Variants in LZIC observed in about 807,000 individuals in gnomAD.
LZIC encodes the protein protein LZIC.
Under a neutral mutation model 25.4 loss-of-function variants are expected in LZIC, and 28 were observed. The ratio of observed to expected loss-of-function variants is 1.10; its 90% confidence interval spans 0.82 to 1.51. The LOEUF is 1.51. LZIC is among the 40% of genes most tolerant of loss of function. The pLI is 0.00. For synonymous variants in LZIC, 65 were observed against 70.7 expected (o/e 0.92, Z 0.40); for missense variants, 170 against 211.1 (o/e 0.81, Z 1.21).
chr1:9,922,934 A>G (rs928703085), downstream of LZIC, among the ~76,000 whole-genome samples: 5 of 151,994 alleles, frequency 3.3e-5, no homozygotes, highest in Non-Finnish European at 7.3e-5. Context: ...GAGACAGACT[A>G]TACTATAACA....
intron 7 of LZIC, among the ~76,000 whole-genome samples, chr1:9,931,331 C>T (rs902700650): frequency 2.0e-5 from 3 of 151,962 alleles, no homozygotes; most frequent in Non-Finnish European, 4.4e-5. Context: ...GGCACAATCT[C>T]GGCTCACTGC....
intron 1 of LZIC, 106 bp downstream of exon 1, chr1:9,943,143 T>C (rs1161510475): frequency 5.7e-6 from 1 of 176,384 alleles, no homozygotes; most frequent in African/African-American, 2.3e-5. Flanking sequence ...ACGCGGGAAC[T>C]TGAAGTCCGG....
Position 9,942,137 on chromosome 1 carries a change from G to C in LZIC, c.-9+487C>G, listed in dbSNP as rs375743404. Among the ~76,000 whole-genome samples the C allele has an allele frequency of 2.4e-4, 37 of 151,586 alleles. 1 individual carries two copies. In the East Asian group the frequency reaches 3.6e-3, roughly 15 times the overall value. ...TCACCATGTTGTCCAGGCGAGTCTT[G>C]AACTCCTGACCTCTGGTGATCCACT... On this transcript the variant is annotated intron_variant, in intron 2 of 7. Coordinates refer to ENST00000377223, the MANE Select transcript of LZIC (RefSeq NM_032368.5).
intron 2 of LZIC, among the ~76,000 whole-genome samples, chr1:9,936,898 G>C (rs374039913): frequency 6.6e-6 from 1 of 152,220 alleles, no homozygotes; most frequent in Admixed American, 6.5e-5. Flanking sequence ...TTGGGAGGCC[G>C]AGGCGGGTGG....
At chr1:9,931,862 C>A (rs1640226389) in intron 7 of LZIC, 29 bp downstream of exon 7, 1 of 1,502,818 alleles carries the variant, frequency 6.7e-7, no homozygotes, top group South Asian at 1.1e-5. Context: ...TAGTATACGA[C>A]CAGCTTTCAG....
intron 5 of LZIC, among the ~76,000 whole-genome samples, chr1:9,933,487 G>C (rs1347076726): frequency 6.6e-6 from 1 of 151,450 alleles, no homozygotes; most frequent in Non-Finnish European, 1.5e-5. Context: ...CCACACATTG[G>C]GAATATTCAA....
intron 7 of LZIC, 36 bp downstream of exon 7, chr1:9,931,855 T>C: frequency 7.2e-7 from 1 of 1,393,058 alleles, no homozygotes; most frequent in Non-Finnish European, 1.0e-6. Context: ...ATGACAGTAG[T>C]ATACGACCAG....
Position 9,926,624 on chromosome 1 carries a change from TA to T in LZIC, c.*3774del, listed in dbSNP as rs1212390288. Among the ~76,000 whole-genome samples the T allele has an allele frequency of 6.6e-6, 1 of 152,224 alleles. No individual in the cohort carries two copies. Among genetic ancestry groups the T allele is most frequent in the East Asian group, 1.9e-4 (1 of 5,200 alleles). ...AAAACATTGAAACATCAGAATTGTT[TA>T]AAACACTAGATTTCATTCAATGGTC... is the stretch of plus-strand genomic sequence containing the variant. On this transcript the variant is annotated 3_prime_UTR_variant, in exon 8 of 8. Transcript: ENST00000377223.
At position 9,927,712 on chromosome 1, in the gene LZIC, C is replaced by A. The variant is rs1237688480; in HGVS notation, c.*2687G>T. Among the ~76,000 whole-genome samples, 2 of 118,134 alleles carry A rather than the reference C, an allele frequency of 1.7e-5. No individual in the cohort carries two copies. The highest frequency in any genetic ancestry group is 3.3e-5 in the Non-Finnish European group (2 of 61,498). The allele number at this position is 118,134 out of a possible 152,430, so 77.5% of individuals were successfully genotyped here. On this transcript the variant is annotated 3_prime_UTR_variant, in exon 8 of 8. Transcript: ENST00000377223. ...TTTTTTTTTTTTTTTGAGACCGTGT[C>A]TCAGTCTGTCGCCCAGGCTGGAGTG...
At position 9,929,842 on chromosome 1, in the gene LZIC, C is replaced by T; in HGVS notation, c.*557G>A. The stretch of plus-strand genomic sequence containing the variant: ...ATTCAAAAGATACTAAACTGGGAGT[C>T]AGGACACCTGAGTCTTACCCTCAGC... On this transcript the variant is annotated 3_prime_UTR_variant, in exon 8 of 8. Transcript: ENST00000377223. 2 of 982,202 alleles carry T rather than the reference C, an allele frequency of 2.0e-6. No homozygotes were observed. The highest frequency in any genetic ancestry group is 2.4e-6 in the Non-Finnish European group (2 of 827,028). 60.8% of individuals were successfully genotyped at this position (982,202 alleles called of 1,614,324 possible).
downstream of LZIC, among the ~76,000 whole-genome samples, chr1:9,923,867 C>T (rs1046735281): frequency 2.0e-4 from 31 of 152,192 alleles, no homozygotes; most frequent in Admixed American, 2.0e-3. Flanking sequence ...ATTCTCCCGC[C>T]TCAGCCTCCC....
At chr1:9,941,085 T>C (rs1162611795) in intron 2 of LZIC, among the ~76,000 whole-genome samples, 1 of 152,242 alleles carries the variant, frequency 6.6e-6, no homozygotes, top group East Asian at 1.9e-4. Flanking sequence ...CAAAGTCTAG[T>C]TCAAGTGTCA....
intron 2 of LZIC, 52 bp from the exon 3 acceptor site, chr1:9,936,679 A>T: frequency 8.1e-7 from 1 of 1,229,496 alleles, no homozygotes; most frequent in Non-Finnish European, 1.2e-6. Context: ...TACCAGTGCA[A>T]TTTTTTTAAG....
At chr1:9,934,715 G>A (rs919095963) in intron 5 of LZIC, 47 bp downstream of exon 5, 11 of 1,524,884 alleles carry the variant, frequency 7.2e-6, no homozygotes, top group Admixed American at 5.1e-5. Flanking sequence ...AATTGGCCTA[G>A]GAAATGAAAA....
At chr1:9,942,922 G>A (rs1640828595) in intron 1 of LZIC, 140 bp from the exon 2 acceptor site, 1 of 354,140 alleles carries the variant, frequency 2.8e-6, no homozygotes, top group Non-Finnish European at 5.6e-6. Context: ...GCCTACCGCA[G>A]CCTTTCTGAG....
rs778050420 is a variant in LZIC, at chr1:9,931,900, T to C, written c.505A>G (p.Thr169Ala). ...AILSQFEKVS[T>A]DLGSGDKILA... ...ATATGAGGGCACTCACCAAGGTCTG[T>C]AGAGACTTTCTCAAACTGGCTGAGT... is the stretch of plus-strand genomic sequence containing the variant. Residue 169 changes from threonine (T) to alanine (A), a missense_variant, in exon 7 of 8, where the codon ACA becomes GCA. Coordinates refer to ENST00000377223, the MANE Select transcript of LZIC (RefSeq NM_032368.5). The C allele has an allele frequency of 3.7e-6, 6 of 1,612,690 alleles. No individual in the cohort carries two copies. The highest frequency in any genetic ancestry group is 5.1e-6 in the Non-Finnish European group (6 of 1,179,046).
intron 6 of LZIC, chr1:9,932,260 G>C (rs1320561709): frequency 4.1e-6 from 1 of 243,088 alleles, no homozygotes; most frequent in Non-Finnish European, 8.1e-6. Context: ...CAGTAGAATT[G>C]CTTGAACCTG....
At chr1:9,942,391 A>G (rs1640797976) in intron 2 of LZIC, among the ~76,000 whole-genome samples, 1 of 152,222 alleles carries the variant, frequency 6.6e-6, no homozygotes, top group Non-Finnish European at 1.5e-5. Context: ...CACGTATATA[A>G]AGGCTCAACA....
At chr1:9,942,525 T>C (rs1640804294) in intron 2 of LZIC, 99 bp downstream of exon 2, 1 of 441,354 alleles carries the variant, frequency 2.3e-6, no homozygotes, top group Non-Finnish European at 4.0e-6. Context: ...TGGCACCACC[T>C]AGTAGTCACT....
Sources: gnomAD v4.1 joint callset for allele counts (sites outside exome capture counted in the v4.1 genomes callset) on GRCh38, gnomAD v4.1.1 for gene constraint, MANE v1.5 for transcripts, NCBI Gene and HGNC (gene_info 2026-07-23, HGNC 2026-07-21) for gene names.